Variants in CWC27 observed in about 807,000 individuals in gnomAD.
CWC27 encodes the protein CWC27 spliceosome associated cyclophilin, also known as spliceosome-associated protein CWC27 homolog.
Under a neutral mutation model 63.6 loss-of-function variants are expected in CWC27, and 47 were observed. The observed-to-expected ratio is 0.74, with a 90% CI of 0.58 to 0.94. The LOEUF (loss-of-function observed/expected upper bound fraction) is 0.94. Ranked by LOEUF, CWC27 falls within the 40% of genes least tolerant of loss-of-function variation. The pLI is 0.00. For synonymous variants in CWC27, 175 were observed against 179.8 expected (o/e 0.97, Z 0.22); for missense variants, 495 against 554.3 (o/e 0.89, Z 1.07).
intron 11 of CWC27, among the ~76,000 whole-genome samples, chr5:64,908,023 A>G (rs1341239629): frequency 1.3e-5 from 2 of 152,200 alleles, no homozygotes; most frequent in African/African-American, 4.8e-5. Flanking sequence ...GTGGGCATTT[A>G]GTGCTATAAA....
At chr5:64,774,559 A>G in intron 1 of CWC27, 132 bp from the exon 2 acceptor site, 1 of 498,122 alleles carries the variant, frequency 2.0e-6, no homozygotes. Flanking sequence ...GTATATCAAC[A>G]AAAGCCAAAC....
At chr5:64,804,133 T>C in intron 9 of CWC27, 96 bp from the exon 10 acceptor site, 1 of 1,106,958 alleles carries the variant, frequency 9.0e-7, no homozygotes, top group Non-Finnish European at 1.3e-6. Flanking sequence ...AAACCTAGTT[T>C]AGAATGCAAT....
chr5:64,865,679 C>T (rs1199293109), intron 10 of CWC27, among the ~76,000 whole-genome samples: 2 of 151,796 alleles, frequency 1.3e-5, no homozygotes, highest in South Asian at 2.1e-4. Context: ...CTAAATCTCT[C>T]GATTTTTTAC....
rs1744843105 is a variant in CWC27, at chr5:64,810,459, G to A, written c.938+6073G>A. Among the ~76,000 whole-genome samples, 4 of 151,798 alleles carry A rather than the reference G, an allele frequency of 2.6e-5. No individual in the cohort carries two copies. The South Asian group carries it at 8.3e-4, about 32-fold the overall frequency. On this transcript the variant is annotated intron_variant, in intron 10 of 13. Coordinates refer to ENST00000381070, the MANE Select transcript of CWC27 (RefSeq NM_005869.4). The stretch of plus-strand genomic sequence containing the variant: ...TGACATTGTAATTTTGATAGAAATT[G>A]CCTGGAATCTGTAGATCACTCTGGG...
chr5:64,918,469 G>A (rs554667007), intron 11 of CWC27, among the ~76,000 whole-genome samples: 1 of 152,172 alleles, frequency 6.6e-6, no homozygotes, highest in Admixed American at 6.5e-5. Context: ...GTGAGGTAAT[G>A]TATGTGTTAA....
chr5:64,928,178 G>A (rs1003625915), intron 11 of CWC27, among the ~76,000 whole-genome samples: 1 of 150,758 alleles, frequency 6.6e-6, no homozygotes, highest in Non-Finnish European at 1.5e-5. Context: ...AAAGTCAACA[G>A]TCACCCACAT....
At chr5:64,800,912 G>A (rs1308622151) in intron 8 of CWC27, among the ~76,000 whole-genome samples, 3 of 152,064 alleles carry the variant, frequency 2.0e-5, no homozygotes, top group East Asian at 1.9e-4. Context: ...GCTCATTTTC[G>A]AAACTCCTGT....
At chr5:64,919,836 A>G (rs1561156879) in intron 11 of CWC27, among the ~76,000 whole-genome samples, 1 of 152,146 alleles carries the variant, frequency 6.6e-6, no homozygotes, top group Non-Finnish European at 1.5e-5. Flanking sequence ...ATGTATAGAA[A>G]TGCTACTGAT....
chr5:64,830,719 C>T (rs1294283972), intron 10 of CWC27, among the ~76,000 whole-genome samples: 1 of 152,044 alleles, frequency 6.6e-6, no homozygotes, highest in Non-Finnish European at 1.5e-5. Context: ...AGAACTTAAA[C>T]AAATTTACAA....
intron 11 of CWC27, among the ~76,000 whole-genome samples, chr5:64,941,802 T>G (rs1748486992): frequency 6.6e-6 from 1 of 151,804 alleles, no homozygotes; most frequent in Non-Finnish European, 1.5e-5. Context: ...AGAATCCTGC[T>G]ATATCAGATA....
rs773648286 is a variant in CWC27, at chr5:64,785,620, C to T, written c.495+41C>T. The T allele has an allele frequency of 9.7e-6, 12 of 1,233,256 alleles. No individual in the cohort carries two copies. The Admixed American group carries it at 1.5e-4, about 15-fold the overall frequency. The allele number at this position is 1,233,256 out of a possible 1,614,324, so 76.4% of individuals were successfully genotyped here. ...TTACGAGATACAGCACTTACATTGT[C>T]GTTTAAGAGGAATTGATTCTTAGTA... On this transcript the variant is annotated intron_variant, in intron 5 of 13. Coordinates refer to ENST00000381070, the MANE Select transcript of CWC27 (RefSeq NM_005869.4).
At chr5:64,787,821 C>T (rs1355876281) in intron 6 of CWC27, among the ~76,000 whole-genome samples, 1 of 151,896 alleles carries the variant, frequency 6.6e-6, no homozygotes, top group Non-Finnish European at 1.5e-5. Context: ...CCTGCCAAAC[C>T]TAGTTAATAA....
chr5:64,876,396 A>G (rs991283037), intron 10 of CWC27, among the ~76,000 whole-genome samples: 8 of 152,220 alleles, frequency 5.3e-5, no homozygotes, highest in Middle Eastern at 6.8e-3. Flanking sequence ...TTGGTTTTCA[A>G]TCATTTCCAT....
chr5:65,013,464 A>G (rs930858898), intron 13 of CWC27, among the ~76,000 whole-genome samples: 7 of 152,242 alleles, frequency 4.6e-5, no homozygotes, highest in African/African-American at 1.4e-4. Flanking sequence ...AACAAGACTC[A>G]AACTGTCTCA....
chr5:64,800,301 T>C lies in CWC27; in HGVS notation c.723T>C (p.His241=), dbSNP rs1216281500. The change falls in exon 8 of 14, where the codon CAT becomes CAC. Residue 241 remains histidine (H), a synonymous_variant. Coordinates refer to ENST00000381070, the MANE Select transcript of CWC27 (RefSeq NM_005869.4). ...SSHDLLKDDP[H]LSSVPVVESE... The stretch of plus-strand genomic sequence containing the variant: ...ATGACTTGCTTAAGGATGATCCACA[T>C]CTCAGTTCTGTTCCAGTTGTAGAAA... 1.6e-5 allele frequency: 25 copies of C among 1,611,784 alleles called. No individual in the cohort carries two copies. The highest frequency in any genetic ancestry group is 2.0e-5 in the Non-Finnish European group (24 of 1,178,662).
At chr5:64,857,419 C>T (rs899745695) in intron 10 of CWC27, among the ~76,000 whole-genome samples, 2 of 152,196 alleles carry the variant, frequency 1.3e-5, no homozygotes, top group African/African-American at 4.8e-5. Context: ...ATTCAAGAAT[C>T]ACACCCTCAA....
Position 64,883,561 on chromosome 5 carries a change from C to A in CWC27, c.939-1882C>A, listed in dbSNP as rs997367653. ...ATGCTAAAATGGTATATAAGCCTGA[C>A]TGGGATAGAATTCTAAGAAGAAAGG... On this transcript the variant is annotated intron_variant, in intron 10 of 13. Coordinates refer to ENST00000381070, the MANE Select transcript of CWC27 (RefSeq NM_005869.4). Among the ~76,000 whole-genome samples, 12 of 151,976 alleles carry A rather than the reference C, an allele frequency of 7.9e-5. No individual in the cohort carries two copies. In the East Asian group the frequency reaches 2.3e-3, roughly 29 times the overall value.
At chr5:64,795,480 C>CAGGA (rs1158864350) in intron 7 of CWC27, among the ~76,000 whole-genome samples, 5 of 152,070 alleles carry the variant, frequency 3.3e-5, no homozygotes, top group Non-Finnish European at 7.4e-5. Flanking sequence ...AATATCAAGG[C>CAGGA]ATTTGCAGGG....
chr5:64,905,869 C>T (rs1415516378), intron 11 of CWC27, among the ~76,000 whole-genome samples: 3 of 152,066 alleles, frequency 2.0e-5, no homozygotes, highest in African/African-American at 4.8e-5. Flanking sequence ...TGATGTTCCC[C>T]GCCCTGTGTC....
Sources: gnomAD v4.1 joint callset for allele counts (sites outside exome capture counted in the v4.1 genomes callset) on GRCh38, gnomAD v4.1.1 for gene constraint, MANE v1.5 for transcripts, NCBI Gene and HGNC (gene_info 2026-07-23, HGNC 2026-07-21) for gene names.